SFXN1: variants seen among roughly 807,000 people sequenced by gnomAD.
SFXN1 encodes the protein sideroflexin 1.
SFXN1 carries 32 observed loss-of-function variants against 39.5 expected under a neutral mutation model. The ratio of observed to expected loss-of-function variants is 0.81; its 90% CI spans 0.61 to 1.09. SFXN1 has a LOEUF of 1.09. SFXN1 is among the 50% of genes least tolerant of loss of function. The pLI is 0.00. For synonymous variants in SFXN1, 136 were observed against 146.5 expected, an observed-to-expected ratio of 0.93 and a Z score of 0.52; for missense variants, 402 against 407.1, an observed-to-expected ratio of 0.99 and a Z score of 0.11.
At position 175,512,067 on chromosome 5, in the gene SFXN1, A is replaced by G. The variant is rs775527069; in HGVS notation, c.511-44A>G. ...AAATAAGTTATTTCCATTTACTAGT[A>G]CAGGAAAAATAAGATAAAGCTCTTG... On this transcript the variant is annotated intron_variant, in intron 5 of 10. Coordinates refer to ENST00000321442, the MANE Select transcript of SFXN1 (RefSeq NM_022754.7). 20 of 1,541,016 alleles carry G rather than the reference A, an allele frequency of 1.3e-5. No homozygotes were observed. The Middle Eastern group carries it at 5.0e-4, about 39-fold the overall frequency.
At chr5:175,526,135 T>C (rs1761051377) in intron 10 of SFXN1, among the ~76,000 whole-genome samples, 1 of 151,868 alleles carries the variant, frequency 6.6e-6, no homozygotes, top group Admixed American at 6.6e-5. Flanking sequence ...TTTTTTTTTT[T>C]TTTTTGTACA....
Position 175,527,060 on chromosome 5 carries a change from T to C in SFXN1, c.*326T>C, listed in dbSNP as rs140785798. The C allele has an allele frequency of 4.7e-3, 1,235 of 262,402 alleles. 7 individuals carry two copies. Among genetic ancestry groups the C allele is most frequent in the African/African-American group, 0.026 (1,160 of 45,466 alleles). The allele number at this position is 262,402 out of a possible 1,614,324, so 16.3% of individuals were successfully genotyped here. ...AGGCATAGAATAGGTGCTCAGTATA[T>C]GGTCAGTAAATGTTCTATTGATTAT... On this transcript the variant is annotated 3_prime_UTR_variant, in exon 11 of 11. Transcript: ENST00000321442.
intron 4 of SFXN1, 193 bp downstream of exon 4, chr5:175,510,400 A>G: frequency 1.8e-6 from 1 of 555,154 alleles, no homozygotes; most frequent in South Asian, 2.1e-5. Flanking sequence ...TATCAAGAAA[A>G]CAGTCTTCTT....
chr5:175,502,633 A>T (rs1760125872), intron 2 of SFXN1, among the ~76,000 whole-genome samples: 1 of 152,200 alleles, frequency 6.6e-6, no homozygotes, highest in African/African-American at 2.4e-5. Flanking sequence ...TGAGCTCAGG[A>T]GTTCAAGACC....
At chr5:175,519,998 T>G (rs769850977) in intron 8 of SFXN1, among the ~76,000 whole-genome samples, 2 of 150,734 alleles carry the variant, frequency 1.3e-5, no homozygotes, top group Admixed American at 6.6e-5. Context: ...GCCTCCTGAG[T>G]AGCTGGAACT....
Position 175,529,338 on chromosome 5 carries a change from CAA to C in SFXN1, c.*2617_*2618del, listed in dbSNP as rs1166870226. The C allele has an allele frequency of 1.5e-4, 18 of 116,980 alleles. No individual in the cohort carries two copies. Among genetic ancestry groups the C allele is most frequent in the South Asian group, 2.7e-4 (1 of 3,696 alleles). 7.2% of individuals were successfully genotyped at this position (116,980 alleles called of 1,614,324 possible). Reference sequence around the variant, plus strand: ...GGGCAACAAGAGCGAAACTCCATCTCAAAAAAAAAAAAAAGAGATTATAAAAG... The same window carrying C: ...GGGCAACAAGAGCGAAACTCCATCTCAAAAAAAAAAAAGAGATTATAAAAG... On this transcript the variant is annotated 3_prime_UTR_variant, in exon 11 of 11. Transcript: ENST00000321442.
intron 8 of SFXN1, among the ~76,000 whole-genome samples, chr5:175,517,166 G>A (rs1760736664): frequency 6.6e-6 from 1 of 152,194 alleles, no homozygotes; most frequent in Non-Finnish European, 1.5e-5. Flanking sequence ...ATTTTCTCAT[G>A]CGAAGGAGCT....
At chr5:175,486,830 G>A (rs1482578067) in intron 1 of SFXN1, among the ~76,000 whole-genome samples, 1 of 152,158 alleles carries the variant, frequency 6.6e-6, no homozygotes, top group Non-Finnish European at 1.5e-5. Context: ...GACCGTGATG[G>A]CGGCAGCTTG....
At chr5:175,511,398 A>G in intron 4 of SFXN1, 53 bp from the exon 5 acceptor site, 1 of 1,330,600 alleles carries the variant, frequency 7.5e-7, no homozygotes, top group Non-Finnish European at 1.1e-6. Context: ...ATGTTGCACC[A>G]GAGTTTCCTG....
chr5:175,508,983 G>A (rs1760412704), intron 2 of SFXN1, 49 bp from the exon 3 acceptor site: 19 of 1,544,274 alleles, frequency 1.2e-5, no homozygotes, highest in Non-Finnish European at 1.7e-5. Context: ...TAGGACACTG[G>A]GGAGATATTT....
At chr5:175,508,709 C>A (rs958147761) in intron 2 of SFXN1, among the ~76,000 whole-genome samples, 3 of 152,080 alleles carry the variant, frequency 2.0e-5, no homozygotes, top group African/African-American at 7.2e-5. Context: ...GCGATCTTGG[C>A]TCACTGTAAC....
chr5:175,489,832 C>T (rs1456710466), intron 1 of SFXN1, among the ~76,000 whole-genome samples: 1 of 152,202 alleles, frequency 6.6e-6, no homozygotes, highest in East Asian at 1.9e-4. Context: ...CTGATGGGCA[C>T]CAAGCTATGG....
At chr5:175,500,049 C>T (rs1450944218) in intron 2 of SFXN1, among the ~76,000 whole-genome samples, 1 of 151,978 alleles carries the variant, frequency 6.6e-6, no homozygotes, top group African/African-American at 2.4e-5. Context: ...TTAGCCAGGC[C>T]TGGTGGTGCA....
chr5:175,526,003 AGT>A (rs1761045899), intron 10 of SFXN1: 1 of 152,074 alleles, frequency 6.6e-6, no homozygotes, highest in African/African-American at 2.4e-5. Flanking sequence ...TACTTTAATG[AGT>A]GTGCGTTTCT....
chr5:175,521,029 C>T (rs1760864152), intron 8 of SFXN1, among the ~76,000 whole-genome samples: 2 of 151,966 alleles, frequency 1.3e-5, no homozygotes, highest in African/African-American at 4.8e-5. Context: ...GGTATGCCTC[C>T]CATGCATGTT....
At chr5:175,500,775 A>G (rs1021838381) in intron 2 of SFXN1, among the ~76,000 whole-genome samples, 2 of 152,234 alleles carry the variant, frequency 1.3e-5, no homozygotes, top group African/African-American at 4.8e-5. Context: ...GTAAGGAGAC[A>G]CATTTAGATC....
chr5:175,510,421 T>G lies in SFXN1; in HGVS notation c.434+214T>G, dbSNP rs979652178. The stretch of plus-strand genomic sequence containing the variant: ...GAAAACAGTCTTCTTCCAGCCTGCC[T>G]TCTCAGACATTACTCGTGCCTTTGG... On this transcript the variant is annotated intron_variant, in intron 4 of 10. Coordinates refer to ENST00000321442, the MANE Select transcript of SFXN1 (RefSeq NM_022754.7). 3.8e-4 allele frequency: 195 copies of G among 512,622 alleles called. 1 individual carries two copies. Among genetic ancestry groups the G allele is most frequent in the Non-Finnish European group, 1.4e-4 (40 of 286,760 alleles). The allele number at this position is 512,622 out of a possible 1,614,324, so 31.8% of individuals were successfully genotyped here.
chr5:175,510,099 T>A lies in SFXN1; in HGVS notation c.336-10T>A. 1 of 1,607,484 alleles carries A rather than the reference T, an allele frequency of 6.2e-7. No homozygotes were observed. Among genetic ancestry groups the A allele is most frequent in the Non-Finnish European group, 8.5e-7 (1 of 1,176,482 alleles). On this transcript the variant is annotated splice_polypyrimidine_tract_variant and intron_variant, in intron 3 of 10. Transcript: ENST00000321442. ...TGATGGTGGGTATGTGACGGATGCC[T>A]CTGTTTTAGGACTACGCCGGCTGTG...
At position 175,509,068 on chromosome 5, in the gene SFXN1, A is replaced by C. The variant is rs867475021; in HGVS notation, c.201A>C (p.Glu67Asp). 2.5e-6 allele frequency: 4 copies of C among 1,611,566 alleles called. No individual in the cohort carries two copies. In the African/African-American group the frequency reaches 5.3e-5, roughly 22 times the overall value. ...GIVPPGLTEN[E>D]LWRAKYIYDS... is the part of the protein sequence containing the mutation. ...TTCCTCCTGGTCTTACAGAAAATGA[A>C]TTGTGGAGAGCAAAGTACATCTATG... Residue 67 changes from glutamate (E) to aspartate (D), a missense_variant, in exon 3 of 11, where the codon GAA (glutamate) becomes GAC (aspartate). Glu to Asp is a conservative substitution (Grantham distance 45). Coordinates refer to ENST00000321442, the MANE Select transcript of SFXN1 (RefSeq NM_022754.7).
Sources: allele counts gnomAD v4.1 joint callset (sites outside exome capture counted in the v4.1 genomes callset), GRCh38; gene constraint gnomAD v4.1.1; transcripts MANE v1.5; gene names NCBI Gene and HGNC (gene_info 2026-07-23, HGNC 2026-07-21).